Variants in HS6ST3 observed in about 807,000 individuals in gnomAD.
HS6ST3 encodes the protein heparan sulfate 6-O-sulfotransferase 3.
In HS6ST3, 12 loss-of-function variants were observed where a neutral mutation model predicts 36.7. The observed-to-expected ratio is 0.33, with a 90% CI of 0.21 to 0.53. HS6ST3 has a LOEUF of 0.53. HS6ST3 is among the 20% of genes least tolerant of loss of function. The pLI, the probability that HS6ST3 is intolerant of heterozygous loss-of-function variation, is 0.95. For synonymous variants in HS6ST3, 240 were observed against 257.5 expected (o/e 0.93, Z 0.65); for missense variants, 584 against 640.9 (o/e 0.91, Z 0.96).
intron 1 of HS6ST3, among the ~76,000 whole-genome samples, chr13:96,294,019 T>C (rs1594745385): frequency 6.6e-6 from 1 of 152,154 alleles, no homozygotes; most frequent in Non-Finnish European, 1.5e-5. Context: ...GAGCCGATAA[T>C]AGGACCATTA....
intron 1 of HS6ST3, among the ~76,000 whole-genome samples, chr13:96,413,566 TAGA>T (rs1408315173): frequency 6.6e-6 from 1 of 152,226 alleles, no homozygotes; most frequent in Non-Finnish European, 1.5e-5. Flanking sequence ...AAACAATTTT[TAGA>T]AGAAGTCTTC....
intron 1 of HS6ST3, among the ~76,000 whole-genome samples, chr13:96,788,528 A>G (rs907503633): frequency 1.3e-5 from 2 of 151,762 alleles, no homozygotes; most frequent in Non-Finnish European, 3.0e-5. Flanking sequence ...GCAACTCTTT[A>G]TGGAGTGTTC....
At chr13:96,245,976 A>T (rs1336002340) in intron 1 of HS6ST3, among the ~76,000 whole-genome samples, 2 of 152,184 alleles carry the variant, frequency 1.3e-5, no homozygotes, top group Non-Finnish European at 2.9e-5. Flanking sequence ...CTGCAAGTGT[A>T]AACAAACCGA....
At chr13:96,242,789 G>C (rs2139373445) in intron 1 of HS6ST3, among the ~76,000 whole-genome samples, 1 of 152,278 alleles carries the variant, frequency 6.6e-6, no homozygotes, top group East Asian at 1.9e-4. Context: ...TTTAGAAATA[G>C]AATTACCATA....
Position 96,766,708 on chromosome 13 carries a change from T to C in HS6ST3, c.708-65782T>C, listed in dbSNP as rs561209432. Reference sequence around the variant, plus strand: ...CTTGCACCAGCTTCCGTCTTTTTATTTTCTGATGAAAATAATACGCTCTTT... The same window carrying C: ...CTTGCACCAGCTTCCGTCTTTTTATCTTCTGATGAAAATAATACGCTCTTT... On this transcript the variant is annotated intron_variant, in intron 1 of 1. Transcript: ENST00000376705. Among the ~76,000 whole-genome samples, 629 of 152,292 alleles carry C rather than the reference T, an allele frequency of 4.1e-3. 1 individual carries two copies. The highest frequency in any genetic ancestry group is 7.0e-3 in the Non-Finnish European group (479 of 68,018).
At chr13:96,266,422 A>C (rs1183877799) in intron 1 of HS6ST3, among the ~76,000 whole-genome samples, 1 of 152,206 alleles carries the variant, frequency 6.6e-6, no homozygotes, top group Non-Finnish European at 1.5e-5. Context: ...TCTGGGCTGA[A>C]GGACAGGATA....
chr13:96,724,439 G>C (rs1344591062), intron 1 of HS6ST3, among the ~76,000 whole-genome samples: 1 of 152,096 alleles, frequency 6.6e-6, no homozygotes, highest in African/African-American at 2.4e-5. Context: ...GCATCATGAA[G>C]TCATCATTAC....
At chr13:96,644,678 C>T (rs925561052) in intron 1 of HS6ST3, among the ~76,000 whole-genome samples, 1 of 151,964 alleles carries the variant, frequency 6.6e-6, no homozygotes, top group Non-Finnish European at 1.5e-5. Flanking sequence ...CAGTCCGTGA[C>T]TCAAGATAGG....
intron 1 of HS6ST3, among the ~76,000 whole-genome samples, chr13:96,553,248 G>C (rs1333572165): frequency 2.6e-5 from 4 of 152,278 alleles, no homozygotes; most frequent in Non-Finnish European, 5.9e-5. Flanking sequence ...TCAATATTCA[G>C]CATATGCTTA....
At chr13:96,802,469 T>C (rs150017201) in intron 1 of HS6ST3, among the ~76,000 whole-genome samples, 8 of 152,330 alleles carry the variant, frequency 5.3e-5, no homozygotes, top group African/African-American at 1.9e-4. Context: ...TCTTCATACA[T>C]ACTCTTTTTC....
At chr13:96,129,984 G>A (rs1162147697) in intron 1 of HS6ST3, among the ~76,000 whole-genome samples, 1 of 152,112 alleles carries the variant, frequency 6.6e-6, no homozygotes, top group Non-Finnish European at 1.5e-5. Flanking sequence ...CCAGCCCTAG[G>A]AAACAAATTA....
intron 1 of HS6ST3, among the ~76,000 whole-genome samples, chr13:96,109,276 C>T (rs1014120172): frequency 6.6e-6 from 1 of 152,024 alleles, no homozygotes; most frequent in Non-Finnish European, 1.5e-5. Flanking sequence ...TGAGCTGGGC[C>T]CTAGTGTCTG....
intron 1 of HS6ST3, among the ~76,000 whole-genome samples, chr13:96,338,563 T>C (rs1009281818): frequency 1.3e-5 from 2 of 152,208 alleles, no homozygotes; most frequent in African/African-American, 2.4e-5. Context: ...TCAACAGACA[T>C]TACCAATATC....
At chr13:96,649,870 A>G (rs1005107546) in intron 1 of HS6ST3, among the ~76,000 whole-genome samples, 49 of 152,020 alleles carry the variant, frequency 3.2e-4, no homozygotes, top group African/African-American at 1.1e-3. Flanking sequence ...GGCCTGTAAA[A>G]TACTGTAGAT....
At chr13:96,283,788 C>T (rs917928820) in intron 1 of HS6ST3, among the ~76,000 whole-genome samples, 1 of 152,060 alleles carries the variant, frequency 6.6e-6, no homozygotes, top group African/African-American at 2.4e-5. Context: ...TACAGATCAC[C>T]TTGGGAGCTT....
intron 1 of HS6ST3, among the ~76,000 whole-genome samples, chr13:96,715,994 C>A (rs1875685936): frequency 6.6e-6 from 1 of 151,838 alleles, no homozygotes. Flanking sequence ...ATCGTATAAT[C>A]TTCTGTGCCT....
intron 1 of HS6ST3, among the ~76,000 whole-genome samples, chr13:96,257,942 A>G (rs1451221134): frequency 6.6e-6 from 1 of 152,146 alleles, no homozygotes; most frequent in African/African-American, 2.4e-5. Flanking sequence ...CCTTTGCTTT[A>G]TTCTTTGAGT....
Position 96,658,268 on chromosome 13 carries a change from C to CTTTTTTTTTTTTTTTTTTTTTTT in HS6ST3, c.708-174214_708-174192dup, listed in dbSNP as rs71213623. Among the ~76,000 whole-genome samples, 46 of 76,166 alleles carry CTTTTTTTTTTTTTTTTTTTTTTT rather than the reference C, an allele frequency of 6.0e-4. 4 individuals are homozygous for CTTTTTTTTTTTTTTTTTTTTTTT. The highest frequency in any genetic ancestry group is 1.5e-3 in the African/African-American group (28 of 18,514). The allele number at this position is 76,166 out of a possible 152,430, so 50.0% of individuals were successfully genotyped here. A position where few individuals can be genotyped will look rare whatever the true frequency, so the allele number is the denominator to read the frequency against. On this transcript the variant is annotated intron_variant, in intron 1 of 1. Coordinates refer to ENST00000376705, the MANE Select transcript of HS6ST3 (RefSeq NM_153456.4). ...TTCTTCTTCTTCTTCTCTTCTTCTT[C>CTTTTTTTTTTTTTTTTTTTTTTT]TTTTTTTTTTTTTTTTTTTTTTTTT...
chr13:96,342,577 T>G (rs1366584217), intron 1 of HS6ST3, among the ~76,000 whole-genome samples: 1 of 152,224 alleles, frequency 6.6e-6, no homozygotes, highest in Non-Finnish European at 1.5e-5. Context: ...AGTGGGATAT[T>G]TTGAAGAATA....
Sources: gnomAD v4.1 joint callset for allele counts (sites outside exome capture counted in the v4.1 genomes callset) on GRCh38, gnomAD v4.1.1 for gene constraint, MANE v1.5 for transcripts, NCBI Gene and HGNC (gene_info 2026-07-23, HGNC 2026-07-21) for gene names.